The following SLC28A3 variants were observed in gnomAD, a reference collection of about 807,000 sequenced individuals.
SLC28A3 encodes the protein concentrative Na(+)-nucleoside cotransporter 3.
Under a neutral mutation model 84.2 loss-of-function variants are expected in SLC28A3, and 68 were observed. The observed-to-expected ratio is 0.81, with a 90% CI of 0.66 to 0.99. The LOEUF is 0.99. Among genes scored for constraint, SLC28A3 ranks in the 50% least tolerant of loss-of-function variants. SLC28A3 has a pLI of 0.00. For synonymous variants in SLC28A3, 267 were observed against 303.6 expected (o/e 0.88, Z 1.25); for missense variants, 712 against 841.5 (o/e 0.85, Z 1.90).
chr9:84,302,338 A>C lies in SLC28A3; in HGVS notation c.386T>G (p.Leu129Arg), dbSNP rs757975408. The stretch of plus-strand genomic sequence containing the variant: ...AGCCACGGTGATCACAAAAAGAGGA[A>C]GGGCTCTGTGAAAGTTCAGCACACA... ...SACVLNFHRA[L>R]PLFVITVAAI... The change falls in exon 5 of 18, where the codon CTT becomes CGT. Residue 129 changes from leucine (L) to arginine (R), a missense_variant. By Grantham distance (102) the Leu-to-Arg change is moderately radical. Transcript: ENST00000376238. 1.2e-6 allele frequency: 2 copies of C among 1,614,144 alleles called. No homozygotes were observed. Among genetic ancestry groups the C allele is most frequent in the South Asian group, 1.1e-5 (1 of 91,092 alleles).
At chr9:84,332,202 T>C (rs1400877377) in intron 1 of SLC28A3, among the ~76,000 whole-genome samples, 1 of 152,196 alleles carries the variant, frequency 6.6e-6, no homozygotes, top group Non-Finnish European at 1.5e-5. Context: ...AATATGGACA[T>C]TGTCATAATG....
chr9:84,346,471 A>G, the SLC28A3 span, among the ~76,000 whole-genome samples: 4 of 152,222 alleles, frequency 2.6e-5, no homozygotes, highest in Non-Finnish European at 5.9e-5. Context: ...TATGTTCCAG[A>G]CTCCTGTCTT....
At chr9:84,328,180 C>CACACACAG (rs1026804347) in intron 1 of SLC28A3, among the ~76,000 whole-genome samples, 2 of 151,300 alleles carry the variant, frequency 1.3e-5, no homozygotes, top group Non-Finnish European at 2.9e-5. Context: ...CACACACACA[C>CACACACAG]ACACACACAC....
intron 5 of SLC28A3, 69 bp from the exon 6 acceptor site, chr9:84,299,794 A>ATTT (rs200253055): frequency 3.7e-5 from 46 of 1,244,332 alleles, no homozygotes; most frequent in Admixed American, 1.7e-4. Flanking sequence ...ATCAGGCTTA[A>ATTT]TTTTTTTTTT....
chr9:84,346,176 C>T, the SLC28A3 span, among the ~76,000 whole-genome samples: 1 of 152,196 alleles, frequency 6.6e-6, no homozygotes, highest in Non-Finnish European at 1.5e-5. Context: ...CAAATAATTC[C>T]TATACCCCGT....
chr9:84,335,221 T>G (rs1826930057), intron 1 of SLC28A3, among the ~76,000 whole-genome samples: 1 of 152,182 alleles, frequency 6.6e-6, no homozygotes, highest in Non-Finnish European at 1.5e-5. Context: ...TCTTTTTTGC[T>G]CTAACTTTAT....
chr9:84,285,896 A>AGAT, intron 13 of SLC28A3, 47 bp downstream of exon 13: 1 of 1,574,502 alleles, frequency 6.4e-7, no homozygotes, highest in Non-Finnish European at 8.6e-7. Context: ...TTTTAAACAA[A>AGAT]GATAGGCAGA....
chr9:84,287,237 T>C (rs1195289677), intron 12 of SLC28A3, among the ~76,000 whole-genome samples: 1 of 152,186 alleles, frequency 6.6e-6, no homozygotes, highest in Non-Finnish European at 1.5e-5. Context: ...AATTACGCTG[T>C]ATTCTTTGGT....
the SLC28A3 span, among the ~76,000 whole-genome samples, chr9:84,353,987 CT>C: frequency 6.6e-6 from 1 of 152,218 alleles, no homozygotes; most frequent in Admixed American, 6.5e-5. Flanking sequence ...TCGGCTTCCT[CT>C]TATGATAGCT....
intron 1 of SLC28A3, 124 bp downstream of exon 1, chr9:84,340,450 T>G (rs1236382587): frequency 2.0e-6 from 2 of 1,000,952 alleles, no homozygotes; most frequent in Non-Finnish European, 3.1e-6. Context: ...GGGCTTAAAG[T>G]GTGCCGTTAA....
At chr9:84,366,811 C>A in the SLC28A3 span, among the ~76,000 whole-genome samples, 4 of 152,216 alleles carry the variant, frequency 2.6e-5, no homozygotes, top group African/African-American at 9.6e-5. Flanking sequence ...GTGGCCACCA[C>A]CACTGTGACT....
intron 12 of SLC28A3, among the ~76,000 whole-genome samples, chr9:84,286,469 A>C (rs1184428011): frequency 2.2e-5 from 1 of 44,894 alleles, no homozygotes; most frequent in Non-Finnish European, 4.1e-5. Flanking sequence ...TTTTTTTTTT[A>C]AGAGACGGGG....
At chr9:84,363,736 A>G in the SLC28A3 span, among the ~76,000 whole-genome samples, 26 of 152,044 alleles carry the variant, frequency 1.7e-4, no homozygotes, top group Non-Finnish European at 3.5e-4. Context: ...TGTTTCCAAT[A>G]AATTGCACAT....
chr9:84,311,647 C>T (rs557137773), intron 2 of SLC28A3, among the ~76,000 whole-genome samples: 1 of 152,128 alleles, frequency 6.6e-6, no homozygotes, highest in South Asian at 2.1e-4. Flanking sequence ...GTCAGGAGAT[C>T]AAGACCATCC....
rs1184032533 is a variant in SLC28A3, at chr9:84,279,391, A to G, written c.1829-6T>C. 1 of 1,504,692 alleles carries G rather than the reference A, an allele frequency of 6.6e-7. No individual in the cohort carries two copies. The highest frequency in any genetic ancestry group is 1.4e-5 in the African/African-American group (1 of 70,434). 93.2% of individuals were successfully genotyped at this position (1,504,692 alleles called of 1,614,324 possible). A position where few individuals can be genotyped will look rare whatever the true frequency, so the allele number is the denominator to read the frequency against. On this transcript the variant is annotated splice_polypyrimidine_tract_variant and splice_region_variant and intron_variant, in intron 16 of 17. Coordinates refer to ENST00000376238, the MANE Select transcript of SLC28A3 (RefSeq NM_001199633.2). ...AGGAGTGCTGGAGAGTATGCCTAGA[A>G]GTGGAACAGAGTCCCATTTATTTAT...
intron 3 of SLC28A3, among the ~76,000 whole-genome samples, chr9:84,307,566 GTA>G (rs1297397249): frequency 6.6e-6 from 1 of 152,162 alleles, no homozygotes; most frequent in Non-Finnish European, 1.5e-5. Flanking sequence ...GTGTGAATAT[GTA>G]TACTGAGAGT....
intron 10 of SLC28A3, among the ~76,000 whole-genome samples, chr9:84,291,338 GT>G (rs141426440): frequency 4.6e-5 from 7 of 151,838 alleles, no homozygotes; most frequent in Non-Finnish European, 7.4e-5. Context: ...GTAAGCATAG[GT>G]TTTTTTTCTT....
Position 84,302,307 on chromosome 9 carries a change from G to C in SLC28A3, c.417C>G (p.Ile139Met). The change falls in exon 5 of 18, where the codon ATC (isoleucine) becomes ATG (methionine). Residue 139 changes from isoleucine to methionine, a missense_variant. Coordinates refer to ENST00000376238, the MANE Select transcript of SLC28A3 (RefSeq NM_001199633.2). The part of the protein sequence containing the change: ...LPLFVITVAA[I>M]FFVVWDHLMA... ...TCAGGTGATCCCAGACAACAAAGAAGATGGCAGCCACGGTGATCACAAAAA... is the reference window on the plus strand; with the variant it reads ...TCAGGTGATCCCAGACAACAAAGAACATGGCAGCCACGGTGATCACAAAAA... The C allele has an allele frequency of 6.2e-7, 1 of 1,614,150 alleles. No individual in the cohort carries two copies. Among genetic ancestry groups the C allele is most frequent in the Non-Finnish European group, 8.5e-7 (1 of 1,180,016 alleles).
intron 8 of SLC28A3, among the ~76,000 whole-genome samples, chr9:84,296,486 C>T (rs187082111): frequency 4.6e-5 from 7 of 152,096 alleles, no homozygotes; most frequent in Admixed American, 6.5e-5. Flanking sequence ...AACAACACAC[C>T]ACAAAAAAAG....
Sources: allele counts gnomAD v4.1 joint callset (sites outside exome capture counted in the v4.1 genomes callset), GRCh38; gene constraint gnomAD v4.1.1; transcripts MANE v1.5; gene names NCBI Gene and HGNC (gene_info 2026-07-23, HGNC 2026-07-21).